ADAP1: variants seen among roughly 807,000 people sequenced by gnomAD.
The protein encoded by ADAP1 is ArfGAP with dual PH domains 1.
Under a neutral mutation model 54.9 loss-of-function variants are expected in ADAP1, and 31 were observed. That is an observed-to-expected ratio of 0.56 (90% CI 0.42 to 0.76). The LOEUF (loss-of-function observed/expected upper bound fraction) is 0.76, where lower values mean the gene tolerates loss of function less well. Among genes scored for constraint, ADAP1 ranks in the 30% least tolerant of loss-of-function variants. The pLI, the probability that ADAP1 is intolerant of heterozygous loss-of-function variation, is 0.00. For missense variants in ADAP1, 535 were observed against 512.4 expected, an observed-to-expected ratio of 1.04 and a Z score of -0.42; for synonymous variants, 313 against 202.6, an observed-to-expected ratio of 1.55 and a Z score of -4.63.
intron 6 of ADAP1, among the ~76,000 whole-genome samples, chr7:902,952 T>G (rs772487070): frequency 1.4e-4 from 21 of 152,228 alleles, no homozygotes; most frequent in Non-Finnish European, 3.1e-4. Context: ...CAGTCCAAGG[T>G]GCCAGGTGAC....
chr7:898,806 G>T lies in ADAP1; in HGVS notation c.*115C>A. 1 of 1,435,922 alleles carries T rather than the reference G, an allele frequency of 7.0e-7. No individual in the cohort carries two copies. Among genetic ancestry groups the T allele is most frequent in the Non-Finnish European group, 9.5e-7 (1 of 1,054,776 alleles). 88.9% of individuals were successfully genotyped at this position (1,435,922 alleles called of 1,614,324 possible). The stretch of plus-strand genomic sequence containing the variant: ...GGGCCCTACCTGGCCGCGCCGGGCT[G>T]CCCTGAGGAGCAGGTGGGGCCAGGT... On this transcript the variant is annotated 3_prime_UTR_variant, in exon 11 of 11. Coordinates refer to ENST00000265846, the MANE Select transcript of ADAP1 (RefSeq NM_006869.4).
chr7:933,558 G>A (rs1269299592), intron 2 of ADAP1, among the ~76,000 whole-genome samples: 3 of 124,454 alleles, frequency 2.4e-5, no homozygotes, highest in Admixed American at 7.5e-5. Flanking sequence ...GAGAGCCGGG[G>A]GCCGGGGTCA....
At chr7:905,378 A>AGAAAGG (rs1845102570) in intron 4 of ADAP1, 4 of 145,118 alleles carry the variant, frequency 2.8e-5, no homozygotes, top group African/African-American at 9.5e-5. Context: ...AAGGGAAAGG[A>AGAAAGG]GAAAGGAGAA....
rs1846137815 is a variant in ADAP1 at position 920,288 on chromosome 7, G to A, written c.306-238C>T. 6.6e-6 allele frequency among the ~76,000 whole-genome samples: 1 copy of A among 152,086 alleles called. No homozygotes were observed. The highest frequency in any genetic ancestry group is 1.5e-5 in the Non-Finnish European group (1 of 68,010). ...TGTGCGTTCGGCCCCCGGAGCATCA[G>A]GCCTCACGTTCTGCACAAGCGTTCC... On this transcript the variant is annotated intron_variant, in intron 3 of 10. Coordinates refer to ENST00000265846, the MANE Select transcript of ADAP1 (RefSeq NM_006869.4). The surrounding 1 kb of genome is among the most constrained non-coding windows in gnomAD (Gnocchi z 4.5).
rs867773800 is a variant in ADAP1, at chr7:906,710, G to A, written c.389-1538C>T. Among the ~76,000 whole-genome samples, 112 of 71,156 alleles carry A rather than the reference G, an allele frequency of 1.6e-3. 9 individuals are homozygous for A. The South Asian group carries it at 0.018, about 11-fold the overall frequency. The allele number at this position is 71,156 out of a possible 152,430, so 46.7% of individuals were successfully genotyped here. On this transcript the variant is annotated intron_variant, in intron 4 of 10. Transcript: ENST00000265846. ...CACGGGGGACATGGACATGGGGGAC[G>A]GGACATCGGGGACGGGACATGGGGG...
chr7:937,151 G>GCCTCTGGGATTTGGGGGTCACGCCCGA (rs1435691435), intron 1 of ADAP1, among the ~76,000 whole-genome samples: 8 of 62,208 alleles, frequency 1.3e-4, no homozygotes, highest in African/African-American at 4.1e-4. Flanking sequence ...GTCACGCCCG[G>GCCTCTGGGATTTGGGGGTCACGCCCGA]CCTCTGGGAT....
chr7:899,616 C>A (rs567460062), intron 8 of ADAP1, 126 bp from the exon 9 acceptor site: 3 of 1,122,390 alleles, frequency 2.7e-6, no homozygotes, highest in Admixed American at 2.6e-5. Flanking sequence ...TTCACTCACG[C>A]CTGCCGCTGG....
At chr7:911,241 C>G (rs1845709829) in intron 4 of ADAP1, among the ~76,000 whole-genome samples, 1 of 152,162 alleles carries the variant, frequency 6.6e-6, no homozygotes, top group Admixed American at 6.5e-5. Flanking sequence ...CAGCTCTCAC[C>G]CTGTTCCTAT....
chr7:926,340 G>GCCCCACCCCGGCGCC lies in ADAP1; in HGVS notation c.305+212_305+213insGGCGCCGGGGTGGGG, dbSNP rs1562929236. On this transcript the variant is annotated intron_variant, in intron 3 of 10. Coordinates refer to ENST00000265846, the MANE Select transcript of ADAP1 (RefSeq NM_006869.4). This position sits in a 1 kb window ranked among gnomAD's most constrained non-coding sequence, Gnocchi z 4.6. Reference sequence around the variant, plus strand: ...CTACTGATGCACAATGACCTTCCCAGCCCCACCCCAGCGCCCCCCGCCCCA... The same window carrying GCCCCACCCCGGCGCC: ...CTACTGATGCACAATGACCTTCCCAGCCCCACCCCGGCGCCCCCCACCCCAGCGCCCCCCGCCCCA... 1.4e-5 allele frequency among the ~76,000 whole-genome samples: 1 copy of GCCCCACCCCGGCGCC among 71,984 alleles called. No individual in the cohort carries two copies. The highest frequency in any genetic ancestry group is 3.3e-5 in the Non-Finnish European group (1 of 29,982). 47.2% of individuals were successfully genotyped at this position (71,984 alleles called of 152,430 possible). A position where few individuals can be genotyped will look rare whatever the true frequency, so the allele number is the denominator to read the frequency against.
At chr7:924,144 T>A (rs1846291331) in intron 3 of ADAP1, among the ~76,000 whole-genome samples, 1 of 87,402 alleles carries the variant, frequency 1.1e-5, no homozygotes, top group African/African-American at 4.9e-5. Flanking sequence ...CCCTCCGGGT[T>A]ACACTGCAGG....
chr7:899,830 A>G (rs1355877367), intron 8 of ADAP1, among the ~76,000 whole-genome samples: 4 of 151,986 alleles, frequency 2.6e-5, no homozygotes, highest in African/African-American at 9.7e-5. Flanking sequence ...GCCTCAGGGA[A>G]TGGCAAGATG....
intron 4 of ADAP1, among the ~76,000 whole-genome samples, chr7:906,665 AAGGGGACATGGAC>A (rs1306957889): frequency 2.0e-5 from 2 of 98,316 alleles, no homozygotes; most frequent in African/African-American, 5.1e-5. Context: ...GGGGGCGGGA[AAGGGGACATGGAC>A]AGGGGACACG....
At chr7:904,097 C>T (rs1291143981) in intron 6 of ADAP1, 29 bp downstream of exon 6, 1 of 1,610,210 alleles carries the variant, frequency 6.2e-7, no homozygotes, top group Non-Finnish European at 8.5e-7. Context: ...TCCTGTGCCA[C>T]CCGGGCCCGA....
chr7:945,340 C>T lies in ADAP1; in HGVS notation c.82+9056G>A, dbSNP rs1391477873. Among the ~76,000 whole-genome samples, 1 of 152,192 alleles carries T rather than the reference C, an allele frequency of 6.6e-6. No individual in the cohort carries two copies. Among genetic ancestry groups the T allele is most frequent in the Non-Finnish European group, 1.5e-5 (1 of 68,024 alleles). ...CTGGTCTGACGCCCCAGCAGCAGGG[C>T]CCCCACAGGCCCACGCAGGAGAGCC... On this transcript the variant is annotated intron_variant, in intron 1 of 10. Coordinates refer to ENST00000265846, the MANE Select transcript of ADAP1 (RefSeq NM_006869.4). This position sits in a 1 kb window ranked among gnomAD's most constrained non-coding sequence, Gnocchi z 4.2.
chr7:900,736 C>T (rs534300031), intron 6 of ADAP1, 120 bp from the exon 7 acceptor site: 62 of 805,206 alleles, frequency 7.7e-5, no homozygotes, highest in African/African-American at 7.4e-4. Context: ...CTTCCTCCTC[C>T]CCGGCACCTC....
rs951389203 is a variant in ADAP1 at position 946,402 on chromosome 7, C to A, written c.82+7994G>T. Among the ~76,000 whole-genome samples the A allele has an allele frequency of 2.0e-5, 3 of 152,116 alleles. No individual in the cohort carries two copies. The highest frequency in any genetic ancestry group is 4.4e-5 in the Non-Finnish European group (3 of 68,004). ...GTCCCATTCCATTGTGAGGATGGGG[C>A]CCTTTGGCCCTAGGAACAGGCCCTC... On this transcript the variant is annotated intron_variant, in intron 1 of 10. Coordinates refer to ENST00000265846, the MANE Select transcript of ADAP1 (RefSeq NM_006869.4). The surrounding 1 kb of genome is among the most constrained non-coding windows in gnomAD (Gnocchi z 4.3).
chr7:905,272 CGGGGG>C lies in ADAP1; in HGVS notation c.389-105_389-101del, dbSNP rs1562911047. The C allele has an allele frequency of 0.011, 3,635 of 318,770 alleles. 664 individuals are homozygous for C. In the African/African-American group the frequency reaches 0.17, roughly 15 times the overall value. 19.7% of individuals were successfully genotyped at this position (318,770 alleles called of 1,614,324 possible). A position where few individuals can be genotyped will look rare whatever the true frequency, so the allele number is the denominator to read the frequency against. Reference sequence around the variant, plus strand: ...ACAGAGGGGACATGGGGAGAAGACACGGGGGACACGGACGGGGGACACGGACAGGG... The same window carrying C: ...ACAGAGGGGACATGGGGAGAAGACACACACGGACGGGGGACACGGACAGGG... On this transcript the variant is annotated intron_variant, in intron 4 of 10. Coordinates refer to ENST00000265846, the MANE Select transcript of ADAP1 (RefSeq NM_006869.4).
chr7:929,198 A>AG (rs1846485947), intron 2 of ADAP1, among the ~76,000 whole-genome samples: 1 of 151,758 alleles, frequency 6.6e-6, no homozygotes, highest in Non-Finnish European at 1.5e-5. Flanking sequence ...AGGCTGAGGC[A>AG]GGAGAATCGC....
chr7:907,083 G>A (rs1463386284), intron 4 of ADAP1, among the ~76,000 whole-genome samples: 2 of 152,100 alleles, frequency 1.3e-5, no homozygotes, highest in Non-Finnish European at 2.9e-5. Context: ...CAGCTGCTGG[G>A]TCCAGGTGGT....
Sources: allele counts gnomAD v4.1 joint callset (sites outside exome capture counted in the v4.1 genomes callset), GRCh38; gene constraint gnomAD v4.1.1; non-coding constraint Gnocchi (gnomAD v3.1); transcripts MANE v1.5; gene names NCBI Gene and HGNC (gene_info 2026-07-23, HGNC 2026-07-21).